The following ZNF131 variants were observed in gnomAD, a reference collection of about 807,000 sequenced individuals.
The protein encoded by ZNF131 is zinc finger and BTB domain containing 35.
ZNF131 carries 7 observed loss-of-function variants against 60.0 expected under a neutral mutation model. The ratio of observed to expected loss-of-function variants is 0.12; its 90% CI spans 0.07 to 0.22. ZNF131 has a LOEUF of 0.22. Among genes scored for constraint, ZNF131 ranks in the 10% least tolerant of loss-of-function variants. The pLI is 1.00. For missense variants in ZNF131, 493 were observed against 740.9 expected (o/e 0.67, Z 3.88); for synonymous variants, 257 against 253.2 (o/e 1.01, Z -0.14).
At chr5:43,130,861 C>G (rs972174542) in intron 3 of ZNF131, among the ~76,000 whole-genome samples, 1 of 150,546 alleles carries the variant, frequency 6.6e-6, no homozygotes, top group East Asian at 2.0e-4. Context: ...CCACCACGCC[C>G]GGCTCTTTTG....
intron 3 of ZNF131, chr5:43,124,249 C>T (rs897770794): frequency 6.6e-6 from 1 of 152,194 alleles, no homozygotes; most frequent in Non-Finnish European, 1.5e-5. Context: ...TCTGCTACTG[C>T]AGTAACTCCT....
chr5:43,150,256 C>G (rs1393203402), intron 4 of ZNF131, among the ~76,000 whole-genome samples: 1 of 152,218 alleles, frequency 6.6e-6, no homozygotes, highest in Non-Finnish European at 1.5e-5. Flanking sequence ...AACCTACTCT[C>G]CACTCTGGAA....
At chr5:43,146,830 C>T (rs945666586) in intron 4 of ZNF131, among the ~76,000 whole-genome samples, 4 of 151,352 alleles carry the variant, frequency 2.6e-5, no homozygotes, top group South Asian at 4.2e-4. Flanking sequence ...TGCTTGAACC[C>T]TGGTGGTAGA....
chr5:43,126,393 A>C (rs1744554169), intron 3 of ZNF131, among the ~76,000 whole-genome samples: 1 of 152,190 alleles, frequency 6.6e-6, no homozygotes, highest in African/African-American at 2.4e-5. Flanking sequence ...TTCAGGTCCC[A>C]GGTGTGCCAT....
chr5:43,162,661 T>C (rs1336700901), intron 5 of ZNF131, among the ~76,000 whole-genome samples: 2 of 151,020 alleles, frequency 1.3e-5, no homozygotes, highest in East Asian at 3.9e-4. Flanking sequence ...CCCAACACTT[T>C]GGGAGGCCGA....
chr5:43,146,217 G>A (rs545131006), intron 4 of ZNF131, among the ~76,000 whole-genome samples: 1 of 152,332 alleles, frequency 6.6e-6, no homozygotes, highest in African/African-American at 2.4e-5. Context: ...TTGGAATGTA[G>A]TGTAAACTTT....
intron 4 of ZNF131, among the ~76,000 whole-genome samples, chr5:43,149,399 G>A (rs1748024333): frequency 6.6e-6 from 1 of 151,944 alleles, no homozygotes; most frequent in Admixed American, 6.5e-5. Flanking sequence ...TTCCTGCTGA[G>A]TATTCCATTG....
intron 4 of ZNF131, among the ~76,000 whole-genome samples, chr5:43,153,839 TAG>T (rs1301568855): frequency 6.6e-6 from 1 of 152,150 alleles, no homozygotes; most frequent in Non-Finnish European, 1.5e-5. Flanking sequence ...GTGAGGGAAG[TAG>T]AGTCAGAAAT....
intron 4 of ZNF131, among the ~76,000 whole-genome samples, chr5:43,160,678 C>CTTTTT (rs71608692): frequency 9.7e-5 from 9 of 93,040 alleles, no homozygotes; most frequent in Non-Finnish European, 1.5e-4. Flanking sequence ...TAGCTTGGAA[C>CTTTTT]TTTTTTTTTT....
intron 4 of ZNF131, among the ~76,000 whole-genome samples, chr5:43,154,450 T>C (rs375404513): frequency 1.1e-4 from 17 of 150,586 alleles, no homozygotes; most frequent in African/African-American, 3.9e-4. Context: ...ATGTCGGCAA[T>C]GGTGAAGCAC....
chr5:43,166,175 C>G (rs541263565), intron 5 of ZNF131, among the ~76,000 whole-genome samples: 5 of 152,286 alleles, frequency 3.3e-5, no homozygotes, highest in East Asian at 1.9e-4. Context: ...GGCAATTTTG[C>G]TTTCTTACCA....
At chr5:43,128,794 C>G (rs1744921940) in intron 3 of ZNF131, among the ~76,000 whole-genome samples, 1 of 150,382 alleles carries the variant, frequency 6.6e-6, no homozygotes, top group South Asian at 2.1e-4. Context: ...CTCTGTCACC[C>G]AGGCTGGAGT....
chr5:43,130,222 C>CCA (rs1745122414), intron 3 of ZNF131, among the ~76,000 whole-genome samples: 3 of 136,118 alleles, frequency 2.2e-5, no homozygotes, highest in Admixed American at 8.6e-5. Flanking sequence ...TGAGATCAGG[C>CCA]CACTGCACTC....
At chr5:43,128,270 T>G (rs1485694320) in intron 3 of ZNF131, among the ~76,000 whole-genome samples, 1 of 152,208 alleles carries the variant, frequency 6.6e-6, no homozygotes, top group Non-Finnish European at 1.5e-5. Context: ...CATCACTTCA[T>G]TTAGCTGGGC....
chr5:43,136,476 CTTTTTTTTTTTTTT>C (rs70991484), intron 3 of ZNF131, among the ~76,000 whole-genome samples: 1 of 70,046 alleles, frequency 1.4e-5, no homozygotes, highest in African/African-American at 5.5e-5. Flanking sequence ...AGGCATCATA[CTTTTTTTTTTTTTT>C]TTTTTTTTTT....
intron 4 of ZNF131, among the ~76,000 whole-genome samples, chr5:43,143,996 C>T (rs958262253): frequency 1.4e-5 from 2 of 138,128 alleles, no homozygotes; most frequent in Non-Finnish European, 3.0e-5. Context: ...GATCTTGGCT[C>T]ACTGCAAGCT....
chr5:43,162,079 T>A, intron 5 of ZNF131, 148 bp downstream of exon 5: 2 of 736,958 alleles, frequency 2.7e-6, no homozygotes, highest in Non-Finnish European at 4.2e-6. Flanking sequence ...TTTATAGTAT[T>A]ACCTGTTCAA....
At chr5:43,141,362 C>T (rs1319870108) in intron 4 of ZNF131, among the ~76,000 whole-genome samples, 1 of 151,948 alleles carries the variant, frequency 6.6e-6, no homozygotes, top group Non-Finnish European at 1.5e-5. Context: ...ATGGATGGGG[C>T]GATGTCAGAT....
intron 4 of ZNF131, among the ~76,000 whole-genome samples, chr5:43,156,863 C>G (rs766792328): frequency 6.6e-6 from 1 of 151,834 alleles, no homozygotes; most frequent in South Asian, 2.1e-4. Flanking sequence ...ATAGTGAGAC[C>G]TTGTCTCTCT....
Sources: gnomAD v4.1 joint callset for allele counts (sites outside exome capture counted in the v4.1 genomes callset) on GRCh38, gnomAD v4.1.1 for gene constraint, MANE v1.5 for transcripts, NCBI Gene and HGNC (gene_info 2026-07-23, HGNC 2026-07-21) for gene names.